MAPKAP1: variants seen among roughly 807,000 people sequenced by gnomAD.
The protein encoded by MAPKAP1 is MAPK associated protein 1, also known as target of rapamycin complex 2 subunit MAPKAP1.
MAPKAP1 carries 20 observed loss-of-function variants against 65.7 expected under a neutral mutation model. The ratio of observed to expected loss-of-function variants is 0.30; its 90% confidence interval spans 0.21 to 0.44. The LOEUF (loss-of-function observed/expected upper bound fraction) is 0.44, where lower values mean the gene tolerates loss of function less well. Ranked by LOEUF, MAPKAP1 falls within the 20% of genes least tolerant of loss-of-function variation. The pLI, the probability that MAPKAP1 is intolerant of heterozygous loss-of-function variation, is 1.00. For missense variants in MAPKAP1, 423 were observed against 648.0 expected, an observed-to-expected ratio of 0.65 and a Z score of 3.77; for synonymous variants, 222 against 244.3, an observed-to-expected ratio of 0.91 and a Z score of 0.85.
chr9:125,459,089 C>G (rs1426951098), intron 10 of MAPKAP1, among the ~76,000 whole-genome samples: 1 of 143,166 alleles, frequency 7.0e-6, no homozygotes, highest in Admixed American at 6.9e-5. Context: ...GGTCTCCTCA[C>G]TTCTCAGAAG....
At chr9:125,601,616 G>C in intron 4 of MAPKAP1, among the ~76,000 whole-genome samples, 1 of 152,124 alleles carries the variant, frequency 6.6e-6, no homozygotes, top group East Asian at 1.9e-4. Flanking sequence ...GATGGCCTTG[G>C]CATAAATGCG....
intron 9 of MAPKAP1, among the ~76,000 whole-genome samples, chr9:125,479,826 C>G (rs543258731): frequency 6.6e-6 from 1 of 152,272 alleles, no homozygotes; most frequent in Non-Finnish European, 1.5e-5. Flanking sequence ...GGATGCTGGG[C>G]AAATGCCACA....
chr9:125,697,029 C>T (rs1224285446), intron 1 of MAPKAP1, among the ~76,000 whole-genome samples: 1 of 152,174 alleles, frequency 6.6e-6, no homozygotes, highest in Non-Finnish European at 1.5e-5. Context: ...TACTCGTTGT[C>T]CCTGTGGCCA....
intron 4 of MAPKAP1, among the ~76,000 whole-genome samples, chr9:125,655,321 T>C (rs1833999678): frequency 6.6e-6 from 1 of 152,196 alleles, no homozygotes; most frequent in African/African-American, 2.4e-5. Flanking sequence ...GAGGAATCAA[T>C]CTGGAAATTA....
At chr9:125,502,955 T>C (rs1165698398) in intron 8 of MAPKAP1, among the ~76,000 whole-genome samples, 1 of 152,132 alleles carries the variant, frequency 6.6e-6, no homozygotes, top group Admixed American at 6.5e-5. Context: ...TTTGAGCATA[T>C]AGGTTTAGAA....
rs1049434139 is a variant in MAPKAP1 at position 125,707,099 on chromosome 9, C to G, written c.-198G>C. On this transcript the variant is annotated 5_prime_UTR_variant, in exon 1 of 12. Transcript: ENST00000265960. The stretch of plus-strand genomic sequence containing the variant: ...CTCTCGGGATCCACGGGGACCGGCG[C>G]TCCTCCCGGCCCGCTCAGCTGCCGC... The G allele has an allele frequency of 1.3e-5, 5 of 398,184 alleles. No homozygotes were observed. The highest frequency in any genetic ancestry group is 1.3e-4 in the South Asian group (1 of 7,862). 24.7% of individuals were successfully genotyped at this position (398,184 alleles called of 1,614,324 possible). A position where few individuals can be genotyped will look rare whatever the true frequency, so the allele number is the denominator to read the frequency against.
At chr9:125,670,725 C>T (rs1834472451) in intron 2 of MAPKAP1, among the ~76,000 whole-genome samples, 1 of 152,146 alleles carries the variant, frequency 6.6e-6, no homozygotes, top group Non-Finnish European at 1.5e-5. Context: ...TAGAGAAATA[C>T]CACCCAGCAT....
At chr9:125,550,834 A>G (rs572807708) in intron 6 of MAPKAP1, among the ~76,000 whole-genome samples, 17 of 152,230 alleles carry the variant, frequency 1.1e-4, no homozygotes, top group Non-Finnish European at 2.5e-4. Context: ...GAAACAACAC[A>G]CAGTTGGTCC....
At chr9:125,533,623 G>A (rs919875484) in intron 7 of MAPKAP1, among the ~76,000 whole-genome samples, 11 of 151,992 alleles carry the variant, frequency 7.2e-5, no homozygotes, top group African/African-American at 1.9e-4. Context: ...GCTAATTTTT[G>A]TATTTTTAGT....
chr9:125,527,715 G>T (rs146362746), intron 7 of MAPKAP1, among the ~76,000 whole-genome samples: 48 of 152,180 alleles, frequency 3.2e-4, no homozygotes, highest in African/African-American at 7.5e-4. Flanking sequence ...ACTTCCTCCT[G>T]CTGGGCACCC....
intron 7 of MAPKAP1, among the ~76,000 whole-genome samples, chr9:125,512,150 A>C (rs1829319282): frequency 6.6e-6 from 1 of 152,194 alleles, no homozygotes; most frequent in Non-Finnish European, 1.5e-5. Flanking sequence ...TGAAACATAA[A>C]AGGTTTTAGC....
chr9:125,686,358 AAAAG>A (rs1478800328), intron 1 of MAPKAP1, among the ~76,000 whole-genome samples: 12 of 152,034 alleles, frequency 7.9e-5, no homozygotes, highest in South Asian at 2.1e-4. Context: ...AAGAATAAAA[AAAAG>A]AAAGAAAGAA....
intron 1 of MAPKAP1, among the ~76,000 whole-genome samples, chr9:125,681,292 G>A (rs772660384): frequency 5.9e-5 from 9 of 152,208 alleles, no homozygotes; most frequent in Non-Finnish European, 1.0e-4. Flanking sequence ...CCTCAAGAGC[G>A]CTTGCAGCTT....
intron 4 of MAPKAP1, among the ~76,000 whole-genome samples, chr9:125,633,621 A>G (rs1284444276): frequency 1.3e-5 from 2 of 152,202 alleles, no homozygotes; most frequent in East Asian, 3.8e-4. Context: ...TCTTCCAGAA[A>G]AATGCAGAGG....
At chr9:125,551,335 A>C (rs1283328818) in intron 6 of MAPKAP1, among the ~76,000 whole-genome samples, 1 of 152,208 alleles carries the variant, frequency 6.6e-6, no homozygotes, top group African/African-American at 2.4e-5. Context: ...CACTCTTCTG[A>C]AAAGCCCAGT....
At chr9:125,631,616 A>C (rs1351793345) in intron 4 of MAPKAP1, among the ~76,000 whole-genome samples, 2 of 152,238 alleles carry the variant, frequency 1.3e-5, no homozygotes, top group African/African-American at 4.8e-5. Flanking sequence ...TGATTTATTC[A>C]GACGTAAGGA....
At chr9:125,453,348 G>A (rs1853033777) in intron 10 of MAPKAP1, among the ~76,000 whole-genome samples, 2 of 152,266 alleles carry the variant, frequency 1.3e-5, no homozygotes, top group South Asian at 4.1e-4. Flanking sequence ...TTACAGGCGT[G>A]AGCCTCCGTA....
At chr9:125,468,682 A>G (rs1181954891) in intron 9 of MAPKAP1, among the ~76,000 whole-genome samples, 1 of 152,226 alleles carries the variant, frequency 6.6e-6, no homozygotes, top group Non-Finnish European at 1.5e-5. Context: ...AAGGGAAGTC[A>G]CGAGAGGATT....
At chr9:125,483,401 T>C (rs1854387318) in intron 9 of MAPKAP1, among the ~76,000 whole-genome samples, 1 of 152,250 alleles carries the variant, frequency 6.6e-6, no homozygotes. Context: ...GAGGAGATTT[T>C]TGAGGCCTCT....
Sources: allele counts gnomAD v4.1 joint callset (sites outside exome capture counted in the v4.1 genomes callset), GRCh38; gene constraint gnomAD v4.1.1; transcripts MANE v1.5; gene names NCBI Gene and HGNC (gene_info 2026-07-23, HGNC 2026-07-21).